SOX5: variants seen among roughly 807,000 people sequenced by gnomAD.
SOX5 encodes the protein SRY-box transcription factor 5.
A neutral mutation model predicts 92.0 loss-of-function variants in SOX5; 9 were observed. The ratio of observed to expected loss-of-function variants is 0.10; its 90% CI spans 0.06 to 0.17. The LOEUF (loss-of-function observed/expected upper bound fraction) is 0.17, where lower values mean the gene tolerates loss of function less well. Ranked by LOEUF, SOX5 falls within the 10% of genes least tolerant of loss-of-function variation. SOX5 has a pLI of 1.00. For synonymous variants in SOX5, 344 were observed against 336.3 expected, an observed-to-expected ratio of 1.02 and a Z score of -0.25; for missense variants, 642 against 944.5, an observed-to-expected ratio of 0.68 and a Z score of 4.20.
chr12:23,983,796 T>C (rs1949816901), intron 4 of SOX5, among the ~76,000 whole-genome samples: 1 of 152,198 alleles, frequency 6.6e-6, no homozygotes, highest in South Asian at 2.1e-4. Context: ...TAATTTATTA[T>C]TAGCCAAATT....
chr12:23,930,072 A>T (rs924673259), intron 1 of SOX5, among the ~76,000 whole-genome samples: 1 of 151,672 alleles, frequency 6.6e-6, no homozygotes, highest in African/African-American at 2.4e-5. Context: ...CCCCTCACAA[A>T]CCTTAGTGGA....
intron 1 of SOX5, among the ~76,000 whole-genome samples, chr12:24,466,274 G>T (rs1443993916): frequency 6.7e-6 from 1 of 149,770 alleles, no homozygotes; most frequent in Non-Finnish European, 1.5e-5. Flanking sequence ...ACAGAATCTT[G>T]CTGTATAGCC....
intron 3 of SOX5, among the ~76,000 whole-genome samples, chr12:23,757,403 G>C (rs984135341): frequency 3.3e-5 from 5 of 151,930 alleles, no homozygotes; most frequent in African/African-American, 1.2e-4. Flanking sequence ...ATAAAACAGA[G>C]TAAATATCTT....
intron 2 of SOX5, among the ~76,000 whole-genome samples, chr12:23,894,464 T>G (rs2097158349): frequency 6.6e-6 from 1 of 152,090 alleles, no homozygotes; most frequent in South Asian, 2.1e-4. Context: ...TGACCTCAAG[T>G]GATCTACTCA....
chr12:24,271,797 T>C (rs1167302041), intron 3 of SOX5, among the ~76,000 whole-genome samples: 1 of 152,206 alleles, frequency 6.6e-6, no homozygotes, highest in Non-Finnish European at 1.5e-5. Flanking sequence ...GTCTGACTTC[T>C]CTATTGTCTC....
intron 11 of SOX5, among the ~76,000 whole-genome samples, chr12:23,559,554 G>T (rs1313977870): frequency 1.3e-5 from 2 of 152,134 alleles, no homozygotes; most frequent in East Asian, 3.9e-4. Context: ...ATGTGTTTTG[G>T]TACATATCAC....
intron 1 of SOX5, among the ~76,000 whole-genome samples, chr12:23,918,062 T>C (rs759536408): frequency 3.0e-4 from 46 of 152,176 alleles, no homozygotes; most frequent in Non-Finnish European, 5.1e-4. Context: ...ATGAGTTATA[T>C]TCTAAGACTG....
chr12:23,766,081 G>C (rs2094716879), intron 3 of SOX5, among the ~76,000 whole-genome samples: 1 of 152,094 alleles, frequency 6.6e-6, no homozygotes, highest in Admixed American at 6.6e-5. Flanking sequence ...TTAAATTAGT[G>C]AATAGTAAAT....
chr12:23,696,864 A>G (rs1250530029), intron 6 of SOX5, among the ~76,000 whole-genome samples: 1 of 152,108 alleles, frequency 6.6e-6, no homozygotes, highest in African/African-American at 2.4e-5. Context: ...GTTATTTTAG[A>G]GGTATTTTAT....
intron 4 of SOX5, among the ~76,000 whole-genome samples, chr12:24,079,333 C>A (rs1437498238): frequency 1.3e-5 from 2 of 151,894 alleles, no homozygotes; most frequent in African/African-American, 4.8e-5. Flanking sequence ...CACAGGGAAC[C>A]ATCTAACTGT....
chr12:23,895,320 C>T (rs1240238639), intron 2 of SOX5, among the ~76,000 whole-genome samples: 2 of 151,350 alleles, frequency 1.3e-5, no homozygotes, highest in African/African-American at 2.4e-5. Flanking sequence ...GAAATATATT[C>T]CTCTATGAAA....
chr12:23,533,717 A>G lies in SOX5; in HGVS notation c.*502T>C, dbSNP rs1284126127. ...CTTTTTTTTCTGTCAGGTGCATTACAAAGAAAAAAAATGAAAGGAAAGAAA... is the reference window on the plus strand; with the variant it reads ...CTTTTTTTTCTGTCAGGTGCATTACGAAGAAAAAAAATGAAAGGAAAGAAA... On this transcript the variant is annotated 3_prime_UTR_variant, in exon 15 of 15. Transcript: ENST00000451604. 1 of 152,516 alleles carries G rather than the reference A, an allele frequency of 6.6e-6. No homozygotes were observed. The highest frequency in any genetic ancestry group is 1.5e-5 in the Non-Finnish European group (1 of 68,294). 9.4% of individuals were successfully genotyped at this position (152,516 alleles called of 1,614,324 possible).
At chr12:23,792,135 A>T (rs1303694093) in intron 3 of SOX5, among the ~76,000 whole-genome samples, 1 of 152,114 alleles carries the variant, frequency 6.6e-6, no homozygotes, top group African/African-American at 2.4e-5. Context: ...GTACACAACT[A>T]TATAGAAAAA....
At chr12:24,097,218 A>T (rs1400629054) in intron 4 of SOX5, among the ~76,000 whole-genome samples, 1 of 152,108 alleles carries the variant, frequency 6.6e-6, no homozygotes, top group East Asian at 1.9e-4. Context: ...GTCCATTTTT[A>T]AATTGGATCT....
chr12:23,734,585 C>T, intron 6 of SOX5, 99 bp downstream of exon 6: 2 of 886,920 alleles, frequency 2.3e-6, no homozygotes, highest in Admixed American at 4.8e-5. Flanking sequence ...GCTTGAAAGT[C>T]ATTTTTATTT....
chr12:24,391,721 C>A (rs369560975), intron 1 of SOX5, among the ~76,000 whole-genome samples: 4 of 152,208 alleles, frequency 2.6e-5, no homozygotes, highest in African/African-American at 9.6e-5. Context: ...TCTTTGAGAA[C>A]CCATACTGGC....
At chr12:24,124,569 AAAAAAAG>A (rs1212983436) in intron 4 of SOX5, among the ~76,000 whole-genome samples, 3 of 136,600 alleles carry the variant, frequency 2.2e-5, no homozygotes, top group South Asian at 2.2e-4. Context: ...GGACAAAAAA[AAAAAAAG>A]AAAAAAAGAA....
intron 9 of SOX5, among the ~76,000 whole-genome samples, chr12:23,582,568 T>A (rs78835034): frequency 0.021 from 3,194 of 152,238 alleles, 101 homozygotes; most frequent in African/African-American, 0.073. Flanking sequence ...TCATGATCAG[T>A]TGCTTACTTT....
chr12:23,908,705 A>G (rs2097318805), intron 1 of SOX5, among the ~76,000 whole-genome samples: 1 of 151,942 alleles, frequency 6.6e-6, no homozygotes, highest in African/African-American at 2.4e-5. Flanking sequence ...GAAAAGTCCA[A>G]AAGTAAGGGT....
Sources: gnomAD v4.1 joint callset for allele counts (sites outside exome capture counted in the v4.1 genomes callset) on GRCh38, gnomAD v4.1.1 for gene constraint, MANE v1.5 for transcripts, NCBI Gene and HGNC (gene_info 2026-07-23, HGNC 2026-07-21) for gene names.